Variants in NDST3 observed in about 807,000 individuals in gnomAD.
NDST3 encodes N-deacetylase and N-sulfotransferase 3, also known as bifunctional heparan sulfate N-deacetylase/N-sulfotransferase 3.
A neutral mutation model predicts 96.1 loss-of-function variants in NDST3; 58 were observed. That is an observed-to-expected ratio of 0.60 (90% CI 0.49 to 0.75). The LOEUF (loss-of-function observed/expected upper bound fraction) is 0.75. Ranked by LOEUF, NDST3 falls within the 30% of genes least tolerant of loss-of-function variation. The pLI is 0.00. For missense variants in NDST3, 788 were observed against 1,034.2 expected (o/e 0.76, Z 3.27); for synonymous variants, 333 against 359.7 (o/e 0.93, Z 0.84).
intron 2 of NDST3, among the ~76,000 whole-genome samples, chr4:118,061,872 C>T (rs1217416027): frequency 6.6e-6 from 1 of 152,082 alleles, no homozygotes; most frequent in Non-Finnish European, 1.5e-5. Context: ...CCTCCCGAGC[C>T]AGAGTAGGTT....
intron 6 of NDST3, among the ~76,000 whole-genome samples, chr4:118,209,209 T>A (rs1056949479): frequency 7.2e-5 from 11 of 152,132 alleles, no homozygotes; most frequent in African/African-American, 2.7e-4. Flanking sequence ...CATTGCAAAA[T>A]TAATATAACC....
At chr4:118,242,285 G>A (rs376059118) in intron 12 of NDST3, 136 bp downstream of exon 12, 13,907 of 469,618 alleles carry the variant, frequency 0.03, 313 homozygotes, top group African/African-American at 0.088. Context: ...ATTAACCACG[G>A]AAAAAAAAAA....
At chr4:118,221,662 T>C (rs1414749071) in intron 6 of NDST3, among the ~76,000 whole-genome samples, 6 of 152,044 alleles carry the variant, frequency 3.9e-5, no homozygotes, top group Non-Finnish European at 8.8e-5. Flanking sequence ...TCCTCTCTCA[T>C]AAAGACTAAT....
At position 118,054,232 on chromosome 4, in the gene NDST3, A is replaced by C; in HGVS notation, c.322A>C (p.Ile108Leu). ...ILESSRFQYHIEIAPGKGDLP... is the reference protein window; with the variant it reads ...ILESSRFQYHLEIAPGKGDLP... ...AGAATCAAGTAGATTCCAGTATCAC[A>C]TTGAAATTGCCCCTGGAAAGGGAGA... Residue 108 changes from isoleucine (I) to leucine (L), a missense_variant, in exon 2 of 14, where the codon ATT (isoleucine) becomes CTT (leucine). By Grantham distance (5) the Ile-to-Leu change is conservative. Coordinates refer to ENST00000296499, the MANE Select transcript of NDST3 (RefSeq NM_004784.3). 1 of 1,612,920 alleles carries C rather than the reference A, an allele frequency of 6.2e-7. No individual in the cohort carries two copies. Among genetic ancestry groups the C allele is most frequent in the Non-Finnish European group, 8.5e-7 (1 of 1,179,360 alleles).
chr4:118,112,385 G>A (rs886995716), intron 3 of NDST3, among the ~76,000 whole-genome samples: 1 of 152,198 alleles, frequency 6.6e-6, no homozygotes, highest in African/African-American at 2.4e-5. Context: ...GAGCTTAAAA[G>A]CAGTGGGAGA....
intron 2 of NDST3, 142 bp downstream of exon 2, chr4:118,055,033 C>G: frequency 1.1e-6 from 1 of 937,854 alleles, no homozygotes; most frequent in Non-Finnish European, 1.7e-6. Flanking sequence ...ATCGCTCACC[C>G]TAAATCAACT....
chr4:118,036,028 T>C (rs1724130688), intron 1 of NDST3, among the ~76,000 whole-genome samples: 1 of 152,072 alleles, frequency 6.6e-6, no homozygotes, highest in Non-Finnish European at 1.5e-5. Flanking sequence ...ATTTTTGGTG[T>C]AACTGAAAAG....
intron 4 of NDST3, among the ~76,000 whole-genome samples, chr4:118,131,740 A>G (rs888170259): frequency 1.8e-4 from 27 of 151,878 alleles, no homozygotes; most frequent in African/African-American, 6.3e-4. Flanking sequence ...TGTCCTTGGG[A>G]AGGCTTTTCA....
intron 6 of NDST3, among the ~76,000 whole-genome samples, chr4:118,213,907 TAATTA>T (rs1247170308): frequency 2.0e-5 from 3 of 152,118 alleles, no homozygotes; most frequent in African/African-American, 4.8e-5. Context: ...GCCTATTATG[TAATTA>T]AATTAAGTTT....
intron 2 of NDST3, among the ~76,000 whole-genome samples, chr4:118,096,715 T>A (rs546553854): frequency 8.2e-4 from 115 of 140,300 alleles, no homozygotes; most frequent in African/African-American, 2.7e-3. Context: ...AGATAGACAG[T>A]TAGGCAGATG....
At position 118,053,976 on chromosome 4, in the gene NDST3, T is replaced by C. The variant is rs1320053824; in HGVS notation, c.66T>C (p.Cys22=). Residue 22 remains cysteine (C), a synonymous_variant, in exon 2 of 14, where the codon TGT becomes TGC. Coordinates refer to ENST00000296499, the MANE Select transcript of NDST3 (RefSeq NM_004784.3). ...CAGTCATTCTGCTTGCCACTTTTTG[T>C]ATGGTGAGCATTATCATTTCTGCTT... The part of the protein sequence containing the change: ...QRTVILLATF[C]MVSIIISAYY... 4 of 1,612,220 alleles carry C rather than the reference T, an allele frequency of 2.5e-6. No individual in the cohort carries two copies. Among genetic ancestry groups the C allele is most frequent in the Non-Finnish European group, 3.4e-6 (4 of 1,178,902 alleles).
At chr4:118,185,088 T>C (rs973552341) in intron 6 of NDST3, among the ~76,000 whole-genome samples, 5 of 152,220 alleles carry the variant, frequency 3.3e-5, no homozygotes, top group Non-Finnish European at 5.9e-5. Context: ...AAGAGACATG[T>C]AACAGGGAAT....
intron 1 of NDST3, among the ~76,000 whole-genome samples, chr4:118,043,636 C>T (rs1482114268): frequency 6.6e-6 from 1 of 152,170 alleles, no homozygotes; most frequent in Non-Finnish European, 1.5e-5. Context: ...GTAACTTTGC[C>T]TTTGCCTACT....
chr4:118,223,100 G>C (rs986243087), intron 6 of NDST3, among the ~76,000 whole-genome samples: 1 of 151,854 alleles, frequency 6.6e-6, no homozygotes, highest in Non-Finnish European at 1.5e-5. Context: ...AAGGTGACCA[G>C]AAGTATCATT....
chr4:118,056,748 A>G (rs1725462875), intron 2 of NDST3, among the ~76,000 whole-genome samples: 1 of 151,998 alleles, frequency 6.6e-6, no homozygotes, highest in South Asian at 2.1e-4. Context: ...CTGAGCATCT[A>G]TCCGTTCAGT....
At chr4:118,046,094 A>AAAGTAGATGGAG (rs1352939529) in intron 1 of NDST3, among the ~76,000 whole-genome samples, 1 of 152,128 alleles carries the variant, frequency 6.6e-6, no homozygotes, top group East Asian at 1.9e-4. Context: ...ATGGAGATGC[A>AAAGTAGATGGAG]ATGCAGATGC....
intron 6 of NDST3, among the ~76,000 whole-genome samples, chr4:118,218,584 T>A (rs1739341105): frequency 6.6e-6 from 1 of 152,156 alleles, no homozygotes; most frequent in Non-Finnish European, 1.5e-5. Context: ...ACAGCCAATA[T>A]CATACTGAAT....
At chr4:118,162,266 G>A (rs1361040589) in intron 6 of NDST3, among the ~76,000 whole-genome samples, 3 of 152,008 alleles carry the variant, frequency 2.0e-5, no homozygotes, top group Non-Finnish European at 4.4e-5. Context: ...AGTTCATATG[G>A]AACCAAAAAA....
In NDST3 at chr4:118,104,631, G is replaced by A. The variant is rs550710612; in HGVS notation, c.982-387G>A. Among the ~76,000 whole-genome samples the A allele has an allele frequency of 6.3e-4, 96 of 152,124 alleles. 1 individual carries two copies. In the South Asian group the frequency reaches 0.019, roughly 31 times the overall value. On this transcript the variant is annotated intron_variant, in intron 2 of 13. Coordinates refer to ENST00000296499, the MANE Select transcript of NDST3 (RefSeq NM_004784.3). ...AAATAATCTGTTTCTTTCAACATAC[G>A]TTCTTGCATAGCTTCACTAAAAATG... is the stretch of plus-strand genomic sequence containing the variant.
Sources: gnomAD v4.1 joint callset for allele counts (sites outside exome capture counted in the v4.1 genomes callset) on GRCh38, gnomAD v4.1.1 for gene constraint, MANE v1.5 for transcripts, NCBI Gene and HGNC (gene_info 2026-07-23, HGNC 2026-07-21) for gene names.